The following FGGY variants were observed in gnomAD, a reference collection of about 807,000 sequenced individuals.
The protein encoded by FGGY is FGGY carbohydrate kinase domain-containing protein.
In FGGY, 72 loss-of-function variants were observed where a neutral mutation model predicts 71.3. The ratio of observed to expected loss-of-function variants is 1.01; its 90% confidence interval spans 0.84 to 1.23. FGGY has a LOEUF of 1.23. Among genes scored for constraint, FGGY ranks in the 50% most tolerant of loss-of-function variants. The pLI is 0.00. For synonymous variants in FGGY, 251 were observed against 250.3 expected, an observed-to-expected ratio of 1.00 and a Z score of -0.02; for missense variants, 668 against 682.3, an observed-to-expected ratio of 0.98 and a Z score of 0.23.
intron 12 of FGGY, among the ~76,000 whole-genome samples, chr1:59,663,100 G>A (rs1049643399): frequency 6.6e-6 from 1 of 152,176 alleles, no homozygotes; most frequent in Non-Finnish European, 1.5e-5. Context: ...GTTACCTTTC[G>A]TCAGACACGA....
intron 6 of FGGY, among the ~76,000 whole-genome samples, chr1:59,486,566 C>T (rs2093664360): frequency 6.6e-6 from 1 of 152,170 alleles, no homozygotes; most frequent in South Asian, 2.1e-4. Flanking sequence ...GCTAACAGGG[C>T]TAGTTCCTGG....
chr1:59,448,976 C>T (rs987695464), intron 5 of FGGY, among the ~76,000 whole-genome samples: 1 of 152,120 alleles, frequency 6.6e-6, no homozygotes, highest in Non-Finnish European at 1.5e-5. Context: ...GAATTTCAGG[C>T]AAACCTATAA....
chr1:59,668,037 G>A (rs1416030996), intron 13 of FGGY, among the ~76,000 whole-genome samples: 1 of 152,180 alleles, frequency 6.6e-6, no homozygotes, highest in East Asian at 1.9e-4. Flanking sequence ...CTAAGACCCT[G>A]AGATCCTGTG....
intron 7 of FGGY, among the ~76,000 whole-genome samples, chr1:59,531,255 T>G (rs952553323): frequency 6.6e-6 from 1 of 152,214 alleles, no homozygotes; most frequent in Non-Finnish European, 1.5e-5. Flanking sequence ...AAGATCAAGA[T>G]TCATGCTTTT....
intron 8 of FGGY, among the ~76,000 whole-genome samples, chr1:59,585,442 G>A (rs924417750): frequency 2.0e-5 from 3 of 152,158 alleles, no homozygotes; most frequent in Non-Finnish European, 4.4e-5. Context: ...TTTAATAAAT[G>A]GTGCTGGGAA....
intron 4 of FGGY, among the ~76,000 whole-genome samples, chr1:59,363,278 G>A (rs2055951921): frequency 6.6e-6 from 1 of 152,178 alleles, no homozygotes; most frequent in Non-Finnish European, 1.5e-5. Flanking sequence ...CCAACATTTG[G>A]ACTAAGGTTT....
intron 5 of FGGY, among the ~76,000 whole-genome samples, chr1:59,441,523 C>T (rs1196460647): frequency 6.6e-6 from 1 of 152,240 alleles, no homozygotes; most frequent in East Asian, 1.9e-4. Flanking sequence ...TTCATTTGAA[C>T]ATTTCTTTAT....
rs537984661 is a variant in FGGY, at chr1:59,352,278, C to T, written c.465+5880C>T. 1.1e-4 allele frequency among the ~76,000 whole-genome samples: 17 copies of T among 152,286 alleles called. No homozygotes were observed. The South Asian group carries it at 3.5e-3, about 32-fold the overall frequency. ...GAGAGTTGCTGAGCTGATGTGGATC[C>T]TGACAGCTCAATGTTAATGGGAGGT... On this transcript the variant is annotated intron_variant, in intron 4 of 15. Coordinates refer to ENST00000303721, the MANE Select transcript of FGGY (RefSeq NM_018291.5).
intron 7 of FGGY, among the ~76,000 whole-genome samples, chr1:59,548,098 C>T (rs188012326): frequency 6.6e-6 from 1 of 152,222 alleles, no homozygotes; most frequent in Non-Finnish European, 1.5e-5. Flanking sequence ...GAGGCTTGGT[C>T]GGTTCTGCTG....
intron 6 of FGGY, among the ~76,000 whole-genome samples, chr1:59,458,350 A>G (rs2091907863): frequency 6.6e-6 from 1 of 152,206 alleles, no homozygotes; most frequent in South Asian, 2.1e-4. Flanking sequence ...AGCACAAGGC[A>G]TGGCATATTT....
At chr1:59,758,183 A>G (rs1162718034) in intron 15 of FGGY, among the ~76,000 whole-genome samples, 191 bp downstream of exon 15, 2 of 152,206 alleles carry the variant, frequency 1.3e-5, no homozygotes, top group Non-Finnish European at 2.9e-5. Flanking sequence ...GTAGGGCCAG[A>G]GCTGGGGGTG....
intron 8 of FGGY, among the ~76,000 whole-genome samples, chr1:59,575,346 G>A (rs1426769011): frequency 6.6e-6 from 1 of 152,110 alleles, no homozygotes; most frequent in East Asian, 1.9e-4. Flanking sequence ...ACATATAAGT[G>A]AAATCGTGCA....
intron 5 of FGGY, among the ~76,000 whole-genome samples, chr1:59,439,938 G>A (rs527338756): frequency 8.9e-4 from 136 of 152,054 alleles, no homozygotes; most frequent in African/African-American, 1.3e-3. Flanking sequence ...AAAACTAGTC[G>A]ATCCAGCCAG....
intron 4 of FGGY, among the ~76,000 whole-genome samples, chr1:59,358,933 A>G (rs1394650302): frequency 6.6e-6 from 1 of 152,226 alleles, no homozygotes; most frequent in African/African-American, 2.4e-5. Context: ...GAGGGAGTTA[A>G]GTAGATTGCC....
At chr1:59,512,581 A>AG in intron 7 of FGGY, 142 bp downstream of exon 7, 1 of 734,788 alleles carries the variant, frequency 1.4e-6, no homozygotes, top group Non-Finnish European at 2.0e-6. Flanking sequence ...GCCTTTTTAC[A>AG]GCTAGGCATT....
At chr1:59,560,464 C>T (rs1441630358) in intron 8 of FGGY, among the ~76,000 whole-genome samples, 1 of 152,108 alleles carries the variant, frequency 6.6e-6, no homozygotes, top group African/African-American at 2.4e-5. Flanking sequence ...GATAATATAT[C>T]AGTGTCATTC....
intron 14 of FGGY, among the ~76,000 whole-genome samples, chr1:59,715,046 G>T (rs938589405): frequency 3.3e-5 from 5 of 152,228 alleles, no homozygotes; most frequent in African/African-American, 4.8e-5. Context: ...TTCAAGAAAA[G>T]CCCTTTCTTT....
At chr1:59,322,522 T>G (rs539879285) in intron 2 of FGGY, among the ~76,000 whole-genome samples, 90 of 152,236 alleles carry the variant, frequency 5.9e-4, no homozygotes, top group African/African-American at 2.2e-3. Context: ...CTCTTAACCA[T>G]TGGACTCTGC....
At chr1:59,440,996 CG>C in intron 5 of FGGY, among the ~76,000 whole-genome samples, 1 of 152,092 alleles carries the variant, frequency 6.6e-6, no homozygotes, top group South Asian at 2.1e-4. Flanking sequence ...GGACGTTTTG[CG>C]TTTTTCTCTG....
Sources: gnomAD v4.1 joint callset for allele counts (sites outside exome capture counted in the v4.1 genomes callset) on GRCh38, gnomAD v4.1.1 for gene constraint, MANE v1.5 for transcripts, NCBI Gene and HGNC (gene_info 2026-07-23, HGNC 2026-07-21) for gene names.